Variants in PHACTR3 observed in about 807,000 individuals in gnomAD.
PHACTR3 encodes protein phosphatase 1, regulatory subunit 123.
Under a neutral mutation model 66.8 loss-of-function variants are expected in PHACTR3, and 16 were observed. The ratio of observed to expected loss-of-function variants is 0.24; its 90% CI spans 0.16 to 0.36. The LOEUF is 0.36. Among genes scored for constraint, PHACTR3 ranks in the 10% least tolerant of loss-of-function variants. The pLI, the probability that PHACTR3 is intolerant of heterozygous loss-of-function variation, is 1.00. For missense variants in PHACTR3, 647 were observed against 719.9 expected (o/e 0.90, Z 1.16); for synonymous variants, 323 against 292.1 (o/e 1.11, Z -1.08).
chr20:59,681,159 A>T (rs527640033), intron 1 of PHACTR3, among the ~76,000 whole-genome samples: 1 of 151,854 alleles, frequency 6.6e-6, no homozygotes, highest in East Asian at 1.9e-4. Context: ...TGAGGCAGAG[A>T]CCATAGATCC....
chr20:59,718,852 T>C (rs1248855516), intron 1 of PHACTR3, among the ~76,000 whole-genome samples: 1 of 152,268 alleles, frequency 6.6e-6, no homozygotes, highest in Non-Finnish European at 1.5e-5. Flanking sequence ...TATCCTGTGT[T>C]GCAAGCAGCT....
intron 7 of PHACTR3, among the ~76,000 whole-genome samples, chr20:59,784,227 C>A (rs2040827003): frequency 6.6e-6 from 1 of 152,118 alleles, no homozygotes; most frequent in Non-Finnish European, 1.5e-5. Context: ...AAATCCAGGA[C>A]TGTACAGCCC....
intron 1 of PHACTR3, among the ~76,000 whole-genome samples, chr20:59,636,621 G>A (rs1384282406): frequency 6.6e-6 from 1 of 152,160 alleles, no homozygotes; most frequent in East Asian, 1.9e-4. Flanking sequence ...TGACCTCTCA[G>A]AGCCTAAATT....
At chr20:59,624,572 T>C (rs2034375421) in intron 1 of PHACTR3, among the ~76,000 whole-genome samples, 1 of 152,180 alleles carries the variant, frequency 6.6e-6, no homozygotes, top group Non-Finnish European at 1.5e-5. Flanking sequence ...CTGTGTAGCC[T>C]GCAGGAGACA....
intron 4 of PHACTR3, among the ~76,000 whole-genome samples, chr20:59,759,790 G>A (rs953866885): frequency 6.6e-6 from 1 of 152,158 alleles, no homozygotes; most frequent in Non-Finnish European, 1.5e-5. Flanking sequence ...TCTGTGTTGT[G>A]GGTAATTCCA....
chr20:59,644,915 G>A (rs879750700), intron 1 of PHACTR3, among the ~76,000 whole-genome samples: 5 of 152,054 alleles, frequency 3.3e-5, no homozygotes, highest in Non-Finnish European at 5.9e-5. Flanking sequence ...TGTTACCAGG[G>A]CACATCGCCT....
intron 8 of PHACTR3, among the ~76,000 whole-genome samples, chr20:59,817,366 G>A (rs2041916561): frequency 6.6e-6 from 1 of 152,200 alleles, no homozygotes; most frequent in Admixed American, 6.5e-5. Context: ...CAGGTCCTTA[G>A]GCCCTCAGGT....
intron 2 of PHACTR3, among the ~76,000 whole-genome samples, chr20:59,747,209 C>A (rs1246914863): frequency 6.6e-6 from 1 of 152,200 alleles, no homozygotes; most frequent in Non-Finnish European, 1.5e-5. Context: ...GGACTGGGGG[C>A]TGGCCTCCTC....
At position 59,830,250 on chromosome 20, in the gene PHACTR3, G is replaced by A. The variant is rs150296136; in HGVS notation, c.1329-6255G>A. ...GAGTGTCTGATGGAAGAGGGTATGA[G>A]TGTCTGATAGAAGAGGGTATGAGTG... On this transcript the variant is annotated intron_variant, in intron 8 of 12. Coordinates refer to ENST00000371015, the MANE Select transcript of PHACTR3 (RefSeq NM_080672.5). The surrounding 1 kb of genome is among the most constrained non-coding windows in gnomAD (Gnocchi z 5.8). Among the ~76,000 whole-genome samples, 935 of 152,154 alleles carry A rather than the reference G, an allele frequency of 6.1e-3. 8 individuals carry two copies. The highest frequency in any genetic ancestry group is 0.021 in the African/African-American group (882 of 41,486).
chr20:59,622,868 GTGTC>G (rs1156994455), intron 1 of PHACTR3, among the ~76,000 whole-genome samples: 2 of 151,316 alleles, frequency 1.3e-5, no homozygotes, highest in Non-Finnish European at 2.9e-5. Flanking sequence ...GCTATCCAGA[GTGTC>G]TGGGCTTATC....
chr20:59,615,121 T>A (rs1309799631), intron 1 of PHACTR3, among the ~76,000 whole-genome samples: 1 of 152,150 alleles, frequency 6.6e-6, no homozygotes, highest in Non-Finnish European at 1.5e-5. Flanking sequence ...CCTATAGAAG[T>A]GTTCTTTCCA....
chr20:59,843,683 T>C (rs2059103439), intron 11 of PHACTR3: 1 of 151,944 alleles, frequency 6.6e-6, no homozygotes, highest in Non-Finnish European at 1.5e-5. Context: ...AAAAATCAAC[T>C]TGAAGAATAA....
chr20:59,820,234 G>A lies in PHACTR3; in HGVS notation c.1328+14040G>A, dbSNP rs541944372. Among the ~76,000 whole-genome samples the A allele has an allele frequency of 1.4e-3, 207 of 152,286 alleles. 1 individual carries two copies. The highest frequency in any genetic ancestry group is 4.9e-3 in the African/African-American group (202 of 41,562). On this transcript the variant is annotated intron_variant, in intron 8 of 12. Transcript: ENST00000371015. This position sits in a 1 kb window ranked among gnomAD's most constrained non-coding sequence, Gnocchi z 4.6. ...CAAGATTTATGAGGGCACTTTCAAG[G>A]ATTTGTTGCAAAAATGCGAAGGAGC...
intron 12 of PHACTR3, among the ~76,000 whole-genome samples, chr20:59,846,467 A>G (rs1363050942): frequency 6.6e-6 from 1 of 152,208 alleles, no homozygotes; most frequent in Non-Finnish European, 1.5e-5. Flanking sequence ...AATGTTTAGG[A>G]AAAACAGTTT....
Position 59,847,133 on chromosome 20 carries a change from A to G in PHACTR3, c.*3A>G. On this transcript the variant is annotated 3_prime_UTR_variant, in exon 13 of 13. Coordinates refer to ENST00000371015, the MANE Select transcript of PHACTR3 (RefSeq NM_080672.5). The stretch of plus-strand genomic sequence containing the variant: ...TCTCTAGATTCCACAGGCCATAGAG[A>G]TTTTCTTCTGAGAAGAATTTGTGTT... 6.6e-7 allele frequency: 1 copy of G among 1,517,556 alleles called. No homozygotes were observed. The highest frequency in any genetic ancestry group is 9.1e-7 in the Non-Finnish European group (1 of 1,098,680). 94.0% of individuals were successfully genotyped at this position (1,517,556 alleles called of 1,614,324 possible).
chr20:59,804,834 A>T (rs946638370), intron 7 of PHACTR3, among the ~76,000 whole-genome samples: 1 of 152,166 alleles, frequency 6.6e-6, no homozygotes, highest in Admixed American at 6.5e-5. Context: ...TGTTCAACTG[A>T]CTTTCTTGCT....
At chr20:59,825,503 A>G (rs2042164314) in intron 8 of PHACTR3, among the ~76,000 whole-genome samples, 1 of 152,134 alleles carries the variant, frequency 6.6e-6, no homozygotes, top group African/African-American at 2.4e-5. Context: ...GCTTGGTTCC[A>G]GGGCCCTGAG....
chr20:59,758,885 G>T (rs1450861883), intron 4 of PHACTR3, among the ~76,000 whole-genome samples: 2 of 152,102 alleles, frequency 1.3e-5, no homozygotes, highest in African/African-American at 2.4e-5. Context: ...ACCTCCCAGG[G>T]TCGCTAAAAT....
At chr20:59,582,361 G>T (rs2032888113) in intron 1 of PHACTR3, among the ~76,000 whole-genome samples, 1 of 152,222 alleles carries the variant, frequency 6.6e-6, no homozygotes, top group South Asian at 2.1e-4. Context: ...GGCCATGGAG[G>T]TCCCTCTCAG....
Sources: gnomAD v4.1 joint callset for allele counts (sites outside exome capture counted in the v4.1 genomes callset) on GRCh38, gnomAD v4.1.1 for gene constraint, Gnocchi (gnomAD v3.1) non-coding constraint, MANE v1.5 for transcripts, NCBI Gene and HGNC (gene_info 2026-07-23, HGNC 2026-07-21) for gene names.